CFAP92: variants seen among roughly 807,000 people sequenced by gnomAD.
CFAP92 encodes the protein cilia and flagella associated protein 92 (putative), also known as uncharacterized protein CFAP92.
Under a neutral mutation model 106.3 loss-of-function variants are expected in CFAP92, and 86 were observed. The observed-to-expected ratio is 0.81, with a 90% CI of 0.68 to 0.97. The LOEUF (loss-of-function observed/expected upper bound fraction) is 0.97. Among genes scored for constraint, CFAP92 ranks in the 50% least tolerant of loss-of-function variants. The probability of loss-of-function intolerance (pLI) is 0.00; values close to 1 mark genes in which losing one functional copy is unlikely to be tolerated. For missense variants in CFAP92, 1,204 were observed against 1,283.8 expected, an observed-to-expected ratio of 0.94 and a Z score of 0.95; for synonymous variants, 477 against 506.4, an observed-to-expected ratio of 0.94 and a Z score of 0.78.
intron 9 of CFAP92, among the ~76,000 whole-genome samples, chr3:128,962,560 C>A (rs930589979): frequency 4.6e-5 from 7 of 152,162 alleles, no homozygotes; most frequent in Non-Finnish European, 1.0e-4. Context: ...GCCTCCTTTG[C>A]GTCCTCCTCT....
chr3:129,002,098 C>T (rs1226035251), intron 1 of CFAP92: 6 of 1,506,214 alleles, frequency 4.0e-6, no homozygotes, highest in Non-Finnish European at 5.3e-6. Context: ...GGCACCCGTG[C>T]GGGGCCCCGG....
Position 128,992,579 on chromosome 3 carries a change from A to AT in CFAP92, c.262+463dup, listed in dbSNP as rs113974781. ...CCATCTCAATAAAAAAAGAATTATTATTTTTTTTTTTTTTGACAGAGTTTT... is the reference window on the plus strand; with the variant it reads ...CCATCTCAATAAAAAAAGAATTATTATTTTTTTTTTTTTTTGACAGAGTTTT... On this transcript the variant is annotated intron_variant, in intron 2 of 15. Transcript: ENST00000645291. Among the ~76,000 whole-genome samples the AT allele has an allele frequency of 3.1e-3, 450 of 146,404 alleles. 1 individual carries two copies. The highest frequency in any genetic ancestry group is 0.011 in the South Asian group (50 of 4,548).
At position 128,987,613 on chromosome 3, in the gene CFAP92, C is replaced by T; in HGVS notation, c.667+3G>A. 1 of 1,613,308 alleles carries T rather than the reference C, an allele frequency of 6.2e-7. No homozygotes were observed. Among genetic ancestry groups the T allele is most frequent in the Non-Finnish European group, 8.5e-7 (1 of 1,179,358 alleles). ...AGAACCATTTCAAATAAAACCAGAGCACCTGACTTATGAAAAGCTCCCACG... is the reference window on the plus strand; with the variant it reads ...AGAACCATTTCAAATAAAACCAGAGTACCTGACTTATGAAAAGCTCCCACG... On this transcript the variant is annotated splice_donor_region_variant and intron_variant, in intron 4 of 15. Transcript: ENST00000645291.
intron 15 of CFAP92, chr3:128,912,414 G>A (rs1208092200): frequency 8.9e-7 from 1 of 1,125,022 alleles, no homozygotes; most frequent in Non-Finnish European, 1.3e-6. Context: ...ATGGTGGGTG[G>A]GCTGACTTTG....
intron 11 of CFAP92, among the ~76,000 whole-genome samples, chr3:128,934,828 G>C (rs924500707): frequency 2.6e-5 from 4 of 152,158 alleles, no homozygotes; most frequent in Non-Finnish European, 5.9e-5. Flanking sequence ...ACTGTGCCCA[G>C]CCCACACCTG....
chr3:128,936,345 A>G (rs1283285333), intron 10 of CFAP92, among the ~76,000 whole-genome samples: 1 of 152,198 alleles, frequency 6.6e-6, no homozygotes. Context: ...TTATTGATTC[A>G]CAGGACTTTA....
the CFAP92 span, among the ~76,000 whole-genome samples, chr3:129,015,036 C>G: frequency 1.3e-5 from 2 of 152,204 alleles, no homozygotes; most frequent in East Asian, 3.9e-4. Context: ...TGTCCCAGCT[C>G]CATCAGAACC....
chr3:128,962,911 A>G (rs981328497), intron 9 of CFAP92, among the ~76,000 whole-genome samples: 1 of 152,048 alleles, frequency 6.6e-6, no homozygotes, highest in African/African-American at 2.4e-5. Flanking sequence ...CCTATCCTCA[A>G]TACCTTCCTC....
At chr3:128,936,440 A>G (rs1939031569) in intron 10 of CFAP92, among the ~76,000 whole-genome samples, 1 of 152,178 alleles carries the variant, frequency 6.6e-6, no homozygotes, top group Non-Finnish European at 1.5e-5. Context: ...CATGACTTTT[A>G]TGGTGTTGTG....
intron 7 of CFAP92, among the ~76,000 whole-genome samples, chr3:128,972,424 T>C (rs1226086289): frequency 6.6e-6 from 1 of 152,046 alleles, no homozygotes; most frequent in Admixed American, 6.5e-5. Context: ...GTATTTTTAA[T>C]AGAGATGAGG....
intron 4 of CFAP92, among the ~76,000 whole-genome samples, chr3:128,980,701 C>G (rs541896170): frequency 6.6e-6 from 1 of 152,328 alleles, no homozygotes; most frequent in East Asian, 1.9e-4. Flanking sequence ...ATGTTCACAG[C>G]CTCTTCACGA....
At position 128,929,477 on chromosome 3, in the gene CFAP92, G is replaced by A. The variant is rs138641391; in HGVS notation, c.2751+3223C>T. ...TTCACGTAATGATTTGTATGCAAAT[G>A]TTTATAGGAGCAATATTTATAATAG... On this transcript the variant is annotated intron_variant, in intron 12 of 15. Transcript: ENST00000645291. 2.1e-3 allele frequency among the ~76,000 whole-genome samples: 327 copies of A among 152,278 alleles called. 4 individuals carry two copies. The East Asian group carries it at 0.024, about 11-fold the overall frequency.
In CFAP92 at chr3:128,975,827, C is replaced by A. The variant is rs267599599; in HGVS notation, c.973G>T (p.Glu325Ter). ...MMEIKELIES[E>*]SLSSLTNILD... is the part of the protein sequence containing the mutation. ...ATGTTTGTTAAGCTGCTAAGTGATT[C>A]ACTCTCAATTAATTCCTTGATCTCC... is the stretch of plus-strand genomic sequence containing the variant. The change falls in exon 7 of 16, where the codon GAA (glutamate) becomes TAA (stop). Residue 325 changes from glutamate to a stop codon, truncating the protein, a stop_gained. Coordinates refer to ENST00000645291, the MANE Select transcript of CFAP92 (RefSeq NM_001394090.1). LOFTEE classifies it high-confidence loss of function. 2.6e-5 allele frequency: 42 copies of A among 1,608,158 alleles called. No individual in the cohort carries two copies. In the African/African-American group the frequency reaches 5.3e-4, roughly 20 times the overall value.
chr3:128,954,987 G>A (rs1182991581), intron 9 of CFAP92, among the ~76,000 whole-genome samples: 1 of 38,220 alleles, frequency 2.6e-5, no homozygotes, highest in Non-Finnish European at 4.1e-5. Flanking sequence ...CCCCCTGCCC[G>A]GCCAGCCGCC....
chr3:128,981,034 C>T (rs965326930), intron 4 of CFAP92, among the ~76,000 whole-genome samples: 22 of 149,278 alleles, frequency 1.5e-4, no homozygotes, highest in African/African-American at 4.7e-4. Context: ...GAAGCTTTTT[C>T]TTTCTTTTTT....
chr3:128,974,070 T>G (rs1018958330), intron 7 of CFAP92, among the ~76,000 whole-genome samples: 7 of 152,228 alleles, frequency 4.6e-5, no homozygotes, highest in Non-Finnish European at 8.8e-5. Flanking sequence ...TTGAGAGGCA[T>G]TCACATGTGA....
chr3:128,995,159 T>C (rs922178211), upstream of CFAP92, among the ~76,000 whole-genome samples: 7 of 152,198 alleles, frequency 4.6e-5, no homozygotes, highest in Non-Finnish European at 1.0e-4. Context: ...TGAGTTGAGC[T>C]ATGACCTACT....
chr3:128,939,681 A>G (rs1939434664), intron 10 of CFAP92, among the ~76,000 whole-genome samples: 1 of 151,994 alleles, frequency 6.6e-6, no homozygotes, highest in African/African-American at 2.4e-5. Flanking sequence ...GCGGTCCCCA[A>G]CCTATTTGGT....
chr3:129,005,873 AG>A (rs1291043598), upstream of CFAP92, among the ~76,000 whole-genome samples: 2 of 152,386 alleles, frequency 1.3e-5, no homozygotes, highest in Admixed American at 6.5e-5. Context: ...GGTTGGCTTG[AG>A]GCCCACATCC....
Sources: allele counts gnomAD v4.1 joint callset (sites outside exome capture counted in the v4.1 genomes callset), GRCh38; gene constraint gnomAD v4.1.1; transcripts MANE v1.5; gene names NCBI Gene and HGNC (gene_info 2026-07-23, HGNC 2026-07-21).